Variants in PCDH9 observed in about 807,000 individuals in gnomAD.
The protein encoded by PCDH9 is protocadherin-9.
PCDH9 carries 24 observed loss-of-function variants against 70.6 expected under a neutral mutation model. That is an observed-to-expected ratio of 0.34 (90% confidence interval 0.25 to 0.48). The LOEUF is 0.48. PCDH9 is among the 20% of genes least tolerant of loss of function. The pLI is 0.99. For missense variants in PCDH9, 1,281 were observed against 1,503.6 expected (o/e 0.85, Z 2.45); for synonymous variants, 562 against 558.5 (o/e 1.01, Z -0.09).
At chr13:66,874,519 C>A (rs1594188938) in intron 3 of PCDH9, among the ~76,000 whole-genome samples, 1 of 152,056 alleles carries the variant, frequency 6.6e-6, no homozygotes, top group African/African-American at 2.4e-5. Context: ...TAAAATAAGG[C>A]CAGTCTAAAC....
rs1955434110 is a variant in PCDH9, at chr13:66,304,845, T to C, written c.3524A>G (p.Asn1175Ser). The C allele has an allele frequency of 5.6e-6, 9 of 1,613,606 alleles. No individual in the cohort carries two copies. Among genetic ancestry groups the C allele is most frequent in the Non-Finnish European group, 7.6e-6 (9 of 1,179,754 alleles). ...CCAGGCTCTGGTCAGGGTGTGCCCA[T>C]TCACAAGCTTGTCCTTCTTCACCCA... Reference protein sequence around the residue: ...KEWVKKDKLVNGHTLTRAWKE... With the variant: ...KEWVKKDKLVSGHTLTRAWKE... Residue 1175 changes from asparagine (N) to serine (S), a missense_variant, in exon 5 of 5, where the codon AAT becomes AGT. By Grantham distance (46) the Asn-to-Ser change is conservative. Around this residue, in one of 4 missense-constraint regions of PCDH9, gnomAD observed 264 missense variants for 278.8 expected, o/e 0.95. Coordinates refer to ENST00000377865, the MANE Select transcript of PCDH9 (RefSeq NM_203487.3).
chr13:67,007,801 C>A (rs1034838440), intron 2 of PCDH9, among the ~76,000 whole-genome samples: 68 of 152,276 alleles, frequency 4.5e-4, no homozygotes, highest in African/African-American at 1.5e-3. Context: ...ATGGTTAACA[C>A]TTTTCTCCAG....
At chr13:67,063,802 T>C (rs2085587228) in intron 2 of PCDH9, among the ~76,000 whole-genome samples, 1 of 152,144 alleles carries the variant, frequency 6.6e-6, no homozygotes, top group Admixed American at 6.6e-5. Context: ...ATAACACAAA[T>C]GTGCTCAAAG....
intron 3 of PCDH9, among the ~76,000 whole-genome samples, chr13:66,735,604 A>G (rs913089259): frequency 2.0e-5 from 3 of 152,228 alleles, no homozygotes. Flanking sequence ...TCAGAATTTC[A>G]TGAAACAGAA....
At chr13:66,995,040 T>G (rs2084084288) in intron 2 of PCDH9, among the ~76,000 whole-genome samples, 1 of 152,202 alleles carries the variant, frequency 6.6e-6, no homozygotes, top group Admixed American at 6.5e-5. Context: ...CCCACGCACT[T>G]GATTGATAAC....
intron 3 of PCDH9, among the ~76,000 whole-genome samples, chr13:66,677,808 T>G (rs1156498782): frequency 2.0e-5 from 3 of 152,150 alleles, no homozygotes; most frequent in Non-Finnish European, 4.4e-5. Context: ...CTTCTCTTTA[T>G]AAATTACCCA....
At chr13:67,135,374 C>A (rs1374348652) in intron 2 of PCDH9, among the ~76,000 whole-genome samples, 1 of 152,100 alleles carries the variant, frequency 6.6e-6, no homozygotes. Context: ...GAATTCTAAA[C>A]TCTAGCTATG....
At chr13:66,430,801 T>C (rs1366089068) in intron 4 of PCDH9, among the ~76,000 whole-genome samples, 1 of 152,024 alleles carries the variant, frequency 6.6e-6, no homozygotes, top group Non-Finnish European at 1.5e-5. Context: ...TGCAATGGGG[T>C]CTGACTCAAA....
chr13:67,069,782 A>G (rs934437986), intron 2 of PCDH9, among the ~76,000 whole-genome samples: 1 of 152,160 alleles, frequency 6.6e-6, no homozygotes, highest in Non-Finnish European at 1.5e-5. Context: ...TAATGGGAAC[A>G]GATTTAAGCA....
At chr13:66,517,109 A>G (rs1593608501) in intron 4 of PCDH9, among the ~76,000 whole-genome samples, 4 of 152,134 alleles carry the variant, frequency 2.6e-5, no homozygotes, top group Admixed American at 6.6e-5. Flanking sequence ...CACACGTGCC[A>G]AACTATATAT....
At chr13:66,623,539 GGC>G (rs1309986822) in intron 4 of PCDH9, among the ~76,000 whole-genome samples, 4 of 152,088 alleles carry the variant, frequency 2.6e-5, no homozygotes, top group Admixed American at 2.0e-4. Context: ...CCAAGGCTCA[GGC>G]AATCCCCCCA....
rs139151562 is a variant in PCDH9 at position 66,385,344 on chromosome 13, A to C, written c.3341-80316T>G. Among the ~76,000 whole-genome samples, 1,368 of 152,326 alleles carry C rather than the reference A, an allele frequency of 9.0e-3. 22 individuals are homozygous for C. The highest frequency in any genetic ancestry group is 0.031 in the African/African-American group (1,298 of 41,568). ...ATGAGCATATTTTGTGGGTCATGAA[A>C]AATGAAGAATATGTGCACTGGATAT... is the stretch of plus-strand genomic sequence containing the variant. On this transcript the variant is annotated intron_variant, in intron 4 of 4. Coordinates refer to ENST00000377865, the MANE Select transcript of PCDH9 (RefSeq NM_203487.3).
At chr13:66,740,796 A>G (rs2079250833) in intron 3 of PCDH9, among the ~76,000 whole-genome samples, 1 of 150,172 alleles carries the variant, frequency 6.7e-6, no homozygotes, top group African/African-American at 2.4e-5. Flanking sequence ...ACCAGGAAGA[A>G]GTTGAATCTC....
chr13:66,438,917 T>C (rs9592470), intron 4 of PCDH9, among the ~76,000 whole-genome samples: 57,816 of 152,028 alleles, frequency 0.38, 11,897 homozygotes, highest in East Asian at 0.51. Flanking sequence ...TGAGCAAAGA[T>C]GATAGGAAAG....
At chr13:66,904,055 C>T (rs2082319494) in intron 2 of PCDH9, among the ~76,000 whole-genome samples, 1 of 151,824 alleles carries the variant, frequency 6.6e-6, no homozygotes, top group African/African-American at 2.4e-5. Flanking sequence ...TGTGCTGTTG[C>T]CCAGCCTTTT....
intron 4 of PCDH9, among the ~76,000 whole-genome samples, chr13:66,505,520 C>T (rs1959202140): frequency 1.3e-5 from 2 of 151,962 alleles, no homozygotes; most frequent in Admixed American, 1.3e-4. Flanking sequence ...GGACACAGAG[C>T]CAAACCATAT....
At chr13:66,516,764 G>A (rs1462209122) in intron 4 of PCDH9, among the ~76,000 whole-genome samples, 1 of 151,824 alleles carries the variant, frequency 6.6e-6, no homozygotes, top group Non-Finnish European at 1.5e-5. Context: ...GTGTCTATGT[G>A]TGTGTGTGCT....
intron 2 of PCDH9, among the ~76,000 whole-genome samples, chr13:67,028,117 C>T (rs155013): frequency 6.7e-6 from 1 of 148,276 alleles, no homozygotes; most frequent in Admixed American, 6.7e-5. Flanking sequence ...GACACATGCA[C>T]ACATATGTTT....
intron 2 of PCDH9, among the ~76,000 whole-genome samples, chr13:66,912,685 T>A (rs1461954491): frequency 6.6e-6 from 1 of 151,836 alleles, no homozygotes; most frequent in East Asian, 1.9e-4. Context: ...ATTTGAAAAA[T>A]TATACATTAT....
Sources: gnomAD v4.1 joint callset for allele counts (sites outside exome capture counted in the v4.1 genomes callset) on GRCh38, gnomAD v4.1.1 for gene constraint, gnomAD v4.1.1 regional missense constraint, MANE v1.5 for transcripts, NCBI Gene and HGNC (gene_info 2026-07-23, HGNC 2026-07-21) for gene names.